Variants in RNF212B observed in about 807,000 individuals in gnomAD.
RNF212B encodes the protein ring finger protein 212B.
In RNF212B, 52 loss-of-function variants were observed where a neutral mutation model predicts 55.5. The observed-to-expected ratio is 0.94, with a 90% CI of 0.75 to 1.18. The LOEUF (loss-of-function observed/expected upper bound fraction) is 1.18, where lower values mean the gene tolerates loss of function less well. Among genes scored for constraint, RNF212B ranks in the 50% most tolerant of loss-of-function variants. RNF212B has a pLI of 0.00. For missense variants in RNF212B, 289 were observed against 350.4 expected (o/e 0.82, Z 1.40); for synonymous variants, 99 against 121.4 (o/e 0.82, Z 1.21).
chr14:23,205,116 C>T (rs1879704535), intron 2 of RNF212B, among the ~76,000 whole-genome samples: 1 of 152,088 alleles, frequency 6.6e-6, no homozygotes, highest in South Asian at 2.1e-4. Context: ...TAAACATTTA[C>T]TATAAAAGAT....
At chr14:23,215,107 T>A (rs1880936614) in intron 2 of RNF212B, among the ~76,000 whole-genome samples, 2 of 152,086 alleles carry the variant, frequency 1.3e-5, no homozygotes, top group Admixed American at 6.6e-5. Context: ...ATGCGGGCAG[T>A]TTCCCCCATA....
intron 2 of RNF212B, among the ~76,000 whole-genome samples, chr14:23,222,882 G>A (rs992685091): frequency 5.9e-5 from 9 of 151,840 alleles, no homozygotes; most frequent in African/African-American, 1.4e-4. Flanking sequence ...GTGAACCCCC[G>A]TTTCTACTAA....
chr14:23,270,451 A>T (rs1885993733), intron 13 of RNF212B, 149 bp from the exon 14 acceptor site: 2 of 640,100 alleles, frequency 3.1e-6, no homozygotes, highest in Non-Finnish European at 5.7e-6. Context: ...AAAAGAACAG[A>T]CTTTATATCC....
At chr14:23,229,352 G>T (rs376876200) in intron 2 of RNF212B, among the ~76,000 whole-genome samples, 13 of 149,262 alleles carry the variant, frequency 8.7e-5, no homozygotes, top group East Asian at 3.9e-4. Context: ...GAATATTGGT[G>T]TACACATATC....
chr14:23,240,048 T>C (rs11626224), intron 1 of RNF212B, among the ~76,000 whole-genome samples: 2 of 141,420 alleles, frequency 1.4e-5, no homozygotes, highest in Non-Finnish European at 3.1e-5. Flanking sequence ...AAAAAAAAAA[T>C]CTCACCACTG....
At chr14:23,259,852 G>T in intron 5 of RNF212B, 32 bp from the exon 6 acceptor site, 2 of 1,335,794 alleles carry the variant, frequency 1.5e-6, no homozygotes, top group Non-Finnish European at 2.0e-6. Flanking sequence ...TCCCTGATTT[G>T]CTGGAGCTGA....
upstream of RNF212B, among the ~76,000 whole-genome samples, chr14:23,237,434 A>T (rs1566418991): frequency 6.6e-6 from 1 of 152,096 alleles, no homozygotes; most frequent in Non-Finnish European, 1.5e-5. Context: ...CTGGCCAAAA[A>T]TTTCTGAATA....
intron 2 of RNF212B, among the ~76,000 whole-genome samples, chr14:23,218,012 C>T: frequency 6.6e-6 from 1 of 152,008 alleles, no homozygotes. Flanking sequence ...ATTCAGAATT[C>T]TATTAGATAC....
intron 2 of RNF212B, among the ~76,000 whole-genome samples, chr14:23,204,975 T>C (rs1357951389): frequency 6.6e-6 from 1 of 152,154 alleles, no homozygotes; most frequent in Non-Finnish European, 1.5e-5. Flanking sequence ...GGATGAAATA[T>C]CTTAGTTTAA....
intron 2 of RNF212B, among the ~76,000 whole-genome samples, chr14:23,232,485 G>C (rs890668521): frequency 4.5e-5 from 6 of 132,606 alleles, no homozygotes; most frequent in Non-Finnish European, 5.1e-5. Flanking sequence ...CCCTCCGCCC[G>C]GCAGCCGCCC....
intron 13 of RNF212B, 42 bp downstream of exon 13, chr14:23,270,002 T>C: frequency 9.9e-7 from 1 of 1,011,882 alleles, no homozygotes; most frequent in South Asian, 1.4e-5. Flanking sequence ...GCTTCAACTA[T>C]AGACACATAT....
intron 1 of RNF212B, 77 bp from the exon 2 acceptor site, chr14:23,240,268 G>T: frequency 1.0e-6 from 1 of 955,548 alleles, no homozygotes; most frequent in Non-Finnish European, 1.6e-6. Context: ...AAGCAAGCAC[G>T]GTTACATAGA....
chr14:23,208,872 A>C (rs904734193), intron 2 of RNF212B, among the ~76,000 whole-genome samples: 28 of 145,632 alleles, frequency 1.9e-4, no homozygotes, highest in South Asian at 4.3e-4. Flanking sequence ...CATTCTCCTG[A>C]CTCAGCCCCC....
chr14:23,240,219 C>T (rs1386607694), intron 1 of RNF212B, 126 bp from the exon 2 acceptor site: 1 of 629,718 alleles, frequency 1.6e-6, no homozygotes, highest in Non-Finnish European at 2.8e-6. Flanking sequence ...TTGGAATACC[C>T]ACAATGATAT....
intron 12 of RNF212B, among the ~76,000 whole-genome samples, chr14:23,269,488 T>C (rs1885921845): frequency 6.6e-6 from 1 of 152,158 alleles, no homozygotes; most frequent in Admixed American, 6.5e-5. Context: ...TCCTAGCACT[T>C]CGGGAGGCTA....
At chr14:23,192,712 G>A (rs1477402856) in intron 1 of RNF212B, among the ~76,000 whole-genome samples, 6 of 152,016 alleles carry the variant, frequency 3.9e-5, no homozygotes, top group Non-Finnish European at 8.8e-5. Flanking sequence ...TTCTAATTAT[G>A]GGAAGGCCAG....
chr14:23,242,147 A>G (rs946227959), intron 2 of RNF212B, among the ~76,000 whole-genome samples: 1 of 146,650 alleles, frequency 6.8e-6, no homozygotes, highest in African/African-American at 2.5e-5. Context: ...GTCCCCAGAG[A>G]AAGAACAGTC....
intron 2 of RNF212B, among the ~76,000 whole-genome samples, chr14:23,197,088 T>C (rs1396632426): frequency 1.3e-5 from 2 of 152,192 alleles, no homozygotes; most frequent in African/African-American, 2.4e-5. Flanking sequence ...TGAATGTATA[T>C]AGGACATGTA....
At chr14:23,261,955 G>T (rs1187765381) in intron 7 of RNF212B, among the ~76,000 whole-genome samples, 1 of 147,330 alleles carries the variant, frequency 6.8e-6, no homozygotes, top group East Asian at 2.0e-4. Flanking sequence ...GTGACAGAGT[G>T]GGACTCTGTC....
Sources: gnomAD v4.1 joint callset for allele counts (sites outside exome capture counted in the v4.1 genomes callset) on GRCh38, gnomAD v4.1.1 for gene constraint, MANE v1.5 for transcripts, NCBI Gene and HGNC (gene_info 2026-07-23, HGNC 2026-07-21) for gene names.